The following MAML3 variants were observed in gnomAD, a reference collection of about 807,000 sequenced individuals.
MAML3 encodes the protein mastermind like transcriptional coactivator 3.
Under a neutral mutation model 101.9 loss-of-function variants are expected in MAML3, and 27 were observed. That is an observed-to-expected ratio of 0.27 (90% CI 0.20 to 0.37). The LOEUF is 0.37. Ranked by LOEUF, MAML3 falls within the 10% of genes least tolerant of loss-of-function variation. The probability of loss-of-function intolerance (pLI) is 1.00; values close to 1 mark genes in which losing one functional copy is unlikely to be tolerated. For missense variants in MAML3, 1,316 were observed against 1,444.9 expected (o/e 0.91, Z 1.45); for synonymous variants, 501 against 555.9 (o/e 0.90, Z 1.39).
At chr4:139,991,395 A>G (rs932715442) in intron 1 of MAML3, among the ~76,000 whole-genome samples, 2 of 152,220 alleles carry the variant, frequency 1.3e-5, no homozygotes, top group African/African-American at 2.4e-5. Context: ...TTATACAAAA[A>G]TTAATTCAAG....
At chr4:139,727,026 C>T (rs1477515703) in intron 3 of MAML3, among the ~76,000 whole-genome samples, 1 of 152,190 alleles carries the variant, frequency 6.6e-6, no homozygotes, top group Non-Finnish European at 1.5e-5. Context: ...GAATATACAA[C>T]AAGGTCCCTG....
In MAML3 at chr4:139,716,837, C is replaced by T. The variant is rs1727988213; in HGVS notation, c.*2486G>A. 6.6e-6 allele frequency: 1 copy of T among 152,486 alleles called. No individual in the cohort carries two copies. Among genetic ancestry groups the T allele is most frequent in the South Asian group, 2.1e-4 (1 of 4,826 alleles). 9.4% of individuals were successfully genotyped at this position (152,486 alleles called of 1,614,324 possible). A position where few individuals can be genotyped will look rare whatever the true frequency, so the allele number is the denominator to read the frequency against. Reference sequence around the variant, plus strand: ...CACTTCATTTCTACATTTCAGCGTTCTGTACATTTCTTAAAAGGAAATAAG... The same window carrying T: ...CACTTCATTTCTACATTTCAGCGTTTTGTACATTTCTTAAAAGGAAATAAG... On this transcript the variant is annotated 3_prime_UTR_variant, in exon 5 of 5. Transcript: ENST00000509479.
intron 2 of MAML3, among the ~76,000 whole-genome samples, chr4:139,771,682 A>G (rs1276831535): frequency 6.6e-6 from 1 of 152,090 alleles, no homozygotes; most frequent in Non-Finnish European, 1.5e-5. Flanking sequence ...TTCTCAGGAA[A>G]CCCTTAGCGT....
At chr4:139,806,225 C>T (rs1730696262) in intron 2 of MAML3, among the ~76,000 whole-genome samples, 1 of 151,786 alleles carries the variant, frequency 6.6e-6, no homozygotes, top group Admixed American at 6.6e-5. Flanking sequence ...AAAGCTAGGA[C>T]AAAATATTGG....
intron 2 of MAML3, among the ~76,000 whole-genome samples, chr4:139,879,211 T>C (rs2111185365): frequency 6.6e-6 from 1 of 152,334 alleles, no homozygotes; most frequent in African/African-American, 2.4e-5. Flanking sequence ...TGTTATCTTA[T>C]GTACTATTTC....
chr4:139,954,941 T>C (rs1430732947), intron 1 of MAML3, among the ~76,000 whole-genome samples: 1 of 151,994 alleles, frequency 6.6e-6, no homozygotes, highest in African/African-American at 2.4e-5. Flanking sequence ...ATGATAATAA[T>C]AAAAGAAGCG....
At position 139,889,214 on chromosome 4, in the gene MAML3, C is replaced by T. The variant is rs375198749; in HGVS notation, c.2079+143G>A. 3 of 1,489,080 alleles carry T rather than the reference C, an allele frequency of 2.0e-6. No homozygotes were observed. The African/African-American group carries it at 4.1e-5, about 20-fold the overall frequency. The allele number at this position is 1,489,080 out of a possible 1,614,324, so 92.2% of individuals were successfully genotyped here. A position where few individuals can be genotyped will look rare whatever the true frequency, so the allele number is the denominator to read the frequency against. ...GAAATGGAAAAAGAACACTCCAAAC[C>T]TGGCCACTACCTGAGGATGTGTAAA... On this transcript the variant is annotated intron_variant, in intron 2 of 4. Coordinates refer to ENST00000509479, the MANE Select transcript of MAML3 (RefSeq NM_018717.5).
At chr4:140,145,952 C>A (rs1271447509) in intron 1 of MAML3, among the ~76,000 whole-genome samples, 1 of 141,574 alleles carries the variant, frequency 7.1e-6, no homozygotes, top group Non-Finnish European at 1.5e-5. Flanking sequence ...CGGCTCACTG[C>A]AACCTCCACC....
At chr4:139,871,734 C>T (rs1418743733) in intron 2 of MAML3, among the ~76,000 whole-genome samples, 1 of 152,202 alleles carries the variant, frequency 6.6e-6, no homozygotes, top group African/African-American at 2.4e-5. Context: ...CTTATTAACC[C>T]TTCGCAACCC....
chr4:139,897,016 AG>A (rs1732628995), intron 1 of MAML3, among the ~76,000 whole-genome samples: 1 of 152,316 alleles, frequency 6.6e-6, no homozygotes, highest in South Asian at 2.1e-4. Context: ...TCCATGACAA[AG>A]AGGTCTTTTA....
intron 1 of MAML3, among the ~76,000 whole-genome samples, chr4:140,147,182 GAAT>G (rs1381522759): frequency 6.8e-6 from 1 of 147,400 alleles, no homozygotes; most frequent in African/African-American, 2.5e-5. Flanking sequence ...AATCTGGCTA[GAAT>G]AATACTGAAA....
At chr4:139,836,518 A>C (rs1578624326) in intron 2 of MAML3, among the ~76,000 whole-genome samples, 1 of 152,194 alleles carries the variant, frequency 6.6e-6, no homozygotes, top group Admixed American at 6.5e-5. Flanking sequence ...TCAATTATCA[A>C]CTTCTGCTGT....
intron 2 of MAML3, among the ~76,000 whole-genome samples, chr4:139,747,384 G>A (rs994189403): frequency 6.6e-6 from 1 of 152,196 alleles, no homozygotes; most frequent in Non-Finnish European, 1.5e-5. Context: ...ATTCTAGGGG[G>A]AAGAACTTTA....
intron 1 of MAML3, among the ~76,000 whole-genome samples, chr4:139,932,097 C>T (rs769679): frequency 0.044 from 6,643 of 152,018 alleles, 476 homozygotes; most frequent in African/African-American, 0.15. Context: ...CTTTCTTTGC[C>T]CAAATTTTTG....
intron 1 of MAML3, among the ~76,000 whole-genome samples, chr4:140,024,858 T>G (rs1202753491): frequency 6.6e-6 from 1 of 152,184 alleles, no homozygotes; most frequent in Admixed American, 6.5e-5. Context: ...TTGGCTCACC[T>G]GAGTAGGCTG....
intron 1 of MAML3, among the ~76,000 whole-genome samples, chr4:140,029,560 G>C (rs1429000049): frequency 3.9e-5 from 6 of 151,956 alleles, no homozygotes; most frequent in Non-Finnish European, 7.4e-5. Context: ...TTTTAAAATA[G>C]GGAAAATTTT....
intron 1 of MAML3, among the ~76,000 whole-genome samples, chr4:140,005,155 A>G (rs987535592): frequency 2.0e-5 from 3 of 152,230 alleles, no homozygotes; most frequent in African/African-American, 7.2e-5. Flanking sequence ...GTTAGTTCAA[A>G]TGGTTAAGAC....
intron 1 of MAML3, among the ~76,000 whole-genome samples, chr4:140,016,528 C>T (rs72712575): frequency 0.15 from 22,082 of 152,068 alleles, 1,828 homozygotes; most frequent in South Asian, 0.28. Context: ...GATTTCAAGA[C>T]TTACTACTGT....
At chr4:139,808,943 C>CAT (rs1730745330) in intron 2 of MAML3, among the ~76,000 whole-genome samples, 1 of 151,960 alleles carries the variant, frequency 6.6e-6, no homozygotes, top group Admixed American at 6.6e-5. Context: ...TGTGAGTGTG[C>CAT]ATGTGTGTGT....
Sources: gnomAD v4.1 joint callset for allele counts (sites outside exome capture counted in the v4.1 genomes callset) on GRCh38, gnomAD v4.1.1 for gene constraint, MANE v1.5 for transcripts, NCBI Gene and HGNC (gene_info 2026-07-23, HGNC 2026-07-21) for gene names.